Variants in KICS2 observed in about 807,000 individuals in gnomAD.
KICS2 encodes the protein KICSTOR subunit 2, also known as KICSTOR complex protein C12orf66.
In KICS2, 13 loss-of-function variants were observed where a neutral mutation model predicts 31.4. The ratio of observed to expected loss-of-function variants is 0.41; its 90% confidence interval spans 0.27 to 0.66. The LOEUF is 0.66. Ranked by LOEUF, KICS2 falls within the 30% of genes least tolerant of loss-of-function variation. KICS2 has a pLI of 0.28. For synonymous variants in KICS2, 209 were observed against 214.8 expected (o/e 0.97, Z 0.24); for missense variants, 455 against 545.4 (o/e 0.83, Z 1.65).
At chr12:64,188,540 A>C (rs554497471), downstream of KICS2, among the ~76,000 whole-genome samples, 27 of 151,958 alleles carry the variant, frequency 1.8e-4, no homozygotes, top group South Asian at 5.4e-3. Context: ...GAGGGAGAGA[A>C]GGAAGGAAAA....
At chr12:64,198,947 G>A (rs992044872) in intron 2 of KICS2, among the ~76,000 whole-genome samples, 8 of 150,832 alleles carry the variant, frequency 5.3e-5, no homozygotes, top group Admixed American at 3.3e-4. Context: ...AGCTGAAATT[G>A]TGGCAATAAT....
At chr12:64,204,637 T>C (rs1378583270) in intron 2 of KICS2, among the ~76,000 whole-genome samples, 8 of 151,872 alleles carry the variant, frequency 5.3e-5, no homozygotes, top group Non-Finnish European at 1.2e-4. Flanking sequence ...AAACTTAAAG[T>C]ATAAAAAAAT....
Position 64,194,678 on chromosome 12 carries a change from A to G in KICS2, c.522-20T>C. 1 of 1,581,684 alleles carries G rather than the reference A, an allele frequency of 6.3e-7. No homozygotes were observed. Among genetic ancestry groups the G allele is most frequent in the Non-Finnish European group, 8.6e-7 (1 of 1,162,634 alleles). ...TGAAATCTAAAGGGGAGAGGGAAAT[A>G]GAGATAAGTGGAAATGTTACTTCAC... On this transcript the variant is annotated intron_variant, in intron 2 of 2. Transcript: ENST00000398055.
chr12:64,192,962 A>G lies in KICS2; in HGVS notation c.*880T>C. On this transcript the variant is annotated 3_prime_UTR_variant, in exon 3 of 3. Transcript: ENST00000398055. ...TAAAAGTAGGCTATGTTGCATGAGTATCTAAAAGTGGCTGAAAAACCGACT... is the reference window on the plus strand; with the variant it reads ...TAAAAGTAGGCTATGTTGCATGAGTGTCTAAAAGTGGCTGAAAAACCGACT... The G allele has an allele frequency of 1.3e-5, 13 of 985,470 alleles. No homozygotes were observed. Among genetic ancestry groups the G allele is most frequent in the Non-Finnish European group, 1.6e-5 (13 of 829,920 alleles). The allele number at this position is 985,470 out of a possible 1,614,324, so 61.0% of individuals were successfully genotyped here. A position where few individuals can be genotyped will look rare whatever the true frequency, so the allele number is the denominator to read the frequency against.
downstream of KICS2, chr12:64,187,567 A>T: frequency 2.1e-6 from 3 of 1,444,486 alleles, no homozygotes; most frequent in Non-Finnish European, 2.8e-6. Flanking sequence ...CATCAAGCCT[A>T]TTTCTTCTGA....
chr12:64,201,871 G>A (rs539682010), intron 2 of KICS2, among the ~76,000 whole-genome samples: 3 of 139,088 alleles, frequency 2.2e-5, no homozygotes, highest in African/African-American at 7.8e-5. Flanking sequence ...CAAACAAATG[G>A]TGACCCAATA....
intron 2 of KICS2, among the ~76,000 whole-genome samples, chr12:64,205,143 A>T (rs2037525311): frequency 1.3e-5 from 2 of 152,222 alleles, no homozygotes; most frequent in South Asian, 4.1e-4. Context: ...ATTCTAGTAC[A>T]AATAACACTA....
chr12:64,188,472 G>C (rs2037356448), downstream of KICS2, among the ~76,000 whole-genome samples: 1 of 151,962 alleles, frequency 6.6e-6, no homozygotes, highest in Admixed American at 6.6e-5. Context: ...GCAGTGAGCA[G>C]AGATTGTGCC....
At chr12:64,205,321 G>A (rs1565717424) in intron 2 of KICS2, among the ~76,000 whole-genome samples, 1 of 152,160 alleles carries the variant, frequency 6.6e-6, no homozygotes, top group Non-Finnish European at 1.5e-5. Flanking sequence ...AGATAAATGT[G>A]AATGTTGAAG....
chr12:64,204,061 A>C (rs2037515068), intron 2 of KICS2, among the ~76,000 whole-genome samples: 1 of 152,278 alleles, frequency 6.6e-6, no homozygotes, highest in Non-Finnish European at 1.5e-5. Context: ...TTGCAGGGAC[A>C]TGGACGAAGC....
At chr12:64,209,184 T>C (rs1018660685) in intron 2 of KICS2, among the ~76,000 whole-genome samples, 73 of 152,124 alleles carry the variant, frequency 4.8e-4, no homozygotes, top group African/African-American at 1.7e-3. Flanking sequence ...ATTAAACTTA[T>C]ATAATAATTA....
At chr12:64,209,477 T>C (rs999844951) in intron 2 of KICS2, among the ~76,000 whole-genome samples, 2 of 151,888 alleles carry the variant, frequency 1.3e-5, no homozygotes, top group Non-Finnish European at 2.9e-5. Context: ...TCCAGCTACT[T>C]TGGAGGCTGA....
intron 2 of KICS2, among the ~76,000 whole-genome samples, chr12:64,212,410 G>GC (rs1468538157): frequency 1.3e-5 from 2 of 152,078 alleles, no homozygotes; most frequent in Non-Finnish European, 2.9e-5. Context: ...TTCGCATAAT[G>GC]GAAATTATGT....
At chr12:64,194,936 AT>A (rs60371744) in intron 2 of KICS2, among the ~76,000 whole-genome samples, 42,296 of 149,450 alleles carry the variant, frequency 0.28, 6,081 homozygotes, top group East Asian at 0.46. Context: ...GCTACAATTC[AT>A]TTTTTTTTTT....
At chr12:64,207,999 G>C (rs2037554723) in intron 2 of KICS2, among the ~76,000 whole-genome samples, 1 of 152,132 alleles carries the variant, frequency 6.6e-6, no homozygotes, top group South Asian at 2.1e-4. Flanking sequence ...TTGGACTTCT[G>C]CTTAAAATCC....
intron 2 of KICS2, among the ~76,000 whole-genome samples, chr12:64,197,851 A>C: frequency 7.1e-6 from 1 of 140,212 alleles, no homozygotes; most frequent in African/African-American, 2.8e-5. Flanking sequence ...AAAGAGACAA[A>C]GAAGGCCATT....
chr12:64,193,849 T>G lies in KICS2; in HGVS notation c.1331A>C (p.Lys444Thr). ...KVFASLKPGA[K>T]G ...CTCCACGCAAATCACCTGCTAACCTTTGGCTCCAGGTTTCAGACTTGCAAA... is the reference window on the plus strand; with the variant it reads ...CTCCACGCAAATCACCTGCTAACCTGTGGCTCCAGGTTTCAGACTTGCAAA... The change falls in exon 3 of 3, where the codon AAA becomes ACA. Residue 444 changes from lysine (K) to threonine (T), a missense_variant. Physicochemically the swap from Lys to Thr is moderately conservative, Grantham distance 78. Transcript: ENST00000398055. 1 of 1,612,230 alleles carries G rather than the reference T, an allele frequency of 6.2e-7. No individual in the cohort carries two copies. The highest frequency in any genetic ancestry group is 8.5e-7 in the Non-Finnish European group (1 of 1,179,018).
At chr12:64,208,726 T>C (rs2037560686) in intron 2 of KICS2, among the ~76,000 whole-genome samples, 1 of 152,156 alleles carries the variant, frequency 6.6e-6, no homozygotes. Flanking sequence ...TATATGTACA[T>C]CAATTTTTTA....
chr12:64,221,152 T>G (rs913723919), intron 1 of KICS2, among the ~76,000 whole-genome samples: 2 of 152,072 alleles, frequency 1.3e-5, no homozygotes, highest in Non-Finnish European at 2.9e-5. Flanking sequence ...AATTTTACAT[T>G]TCTATTCTCT....
Sources: gnomAD v4.1 joint callset for allele counts (sites outside exome capture counted in the v4.1 genomes callset) on GRCh38, gnomAD v4.1.1 for gene constraint, MANE v1.5 for transcripts, NCBI Gene and HGNC (gene_info 2026-07-23, HGNC 2026-07-21) for gene names.